Variants in MCTP1 observed in about 807,000 individuals in gnomAD.
MCTP1 encodes multiple C2 and transmembrane domain containing 1.
Under a neutral mutation model 120.6 loss-of-function variants are expected in MCTP1, and 69 were observed. That is an observed-to-expected ratio of 0.57 (90% CI 0.47 to 0.70). MCTP1 has a LOEUF of 0.70. Among genes scored for constraint, MCTP1 ranks in the 30% least tolerant of loss-of-function variants. The probability of loss-of-function intolerance (pLI) is 0.00; values close to 1 mark genes in which losing one functional copy is unlikely to be tolerated. For synonymous variants in MCTP1, 529 were observed against 493.1 expected, an observed-to-expected ratio of 1.07 and a Z score of -0.96; for missense variants, 1,203 against 1,248.8, an observed-to-expected ratio of 0.96 and a Z score of 0.55.
intron 1 of MCTP1, among the ~76,000 whole-genome samples, chr5:95,058,849 A>C (rs186396166): frequency 6.6e-6 from 1 of 152,078 alleles, no homozygotes; most frequent in Non-Finnish European, 1.5e-5. Flanking sequence ...AGGGTTTGAC[A>C]TTCTCTTTTT....
chr5:95,221,387 C>T (rs891644328), intron 1 of MCTP1, among the ~76,000 whole-genome samples: 1 of 152,178 alleles, frequency 6.6e-6, no homozygotes, highest in African/African-American at 2.4e-5. Flanking sequence ...TGGGCAGAGC[C>T]ATCTGTCTGG....
intron 3 of MCTP1, among the ~76,000 whole-genome samples, chr5:94,943,735 G>A (rs751726744): frequency 6.6e-6 from 1 of 151,862 alleles, no homozygotes; most frequent in African/African-American, 2.4e-5. Context: ...AGAGAACGAA[G>A]AGAAAGTAAG....
At chr5:94,909,882 C>T (rs557632325) in intron 9 of MCTP1, among the ~76,000 whole-genome samples, 2 of 151,922 alleles carry the variant, frequency 1.3e-5, no homozygotes, top group African/African-American at 4.8e-5. Context: ...AGGAGAAAAA[C>T]GCAAGTAGCT....
intron 4 of MCTP1, among the ~76,000 whole-genome samples, chr5:94,940,605 TAC>T (rs1817444595): frequency 6.8e-6 from 1 of 146,112 alleles, no homozygotes; most frequent in Admixed American, 6.9e-5. Context: ...TATACACATA[TAC>T]ATATATATGT....
intron 2 of MCTP1, among the ~76,000 whole-genome samples, chr5:95,000,626 G>A (rs62364694): frequency 0.19 from 28,387 of 151,958 alleles, 2,737 homozygotes; most frequent in East Asian, 0.32. Context: ...GGATATAAAG[G>A]TAAAATATTT....
intron 17 of MCTP1, among the ~76,000 whole-genome samples, chr5:94,850,210 C>G (rs543350483): frequency 6.6e-6 from 1 of 152,200 alleles, no homozygotes; most frequent in East Asian, 1.9e-4. Context: ...GGGTATGCAC[C>G]CAACCGTTCT....
At chr5:94,836,959 C>T (rs1324192108) in intron 17 of MCTP1, among the ~76,000 whole-genome samples, 1 of 152,088 alleles carries the variant, frequency 6.6e-6, no homozygotes, top group Non-Finnish European at 1.5e-5. Flanking sequence ...TTTTTCCCTT[C>T]CCTAAAAGCA....
At chr5:95,264,267 C>T (rs1758706398) in intron 1 of MCTP1, among the ~76,000 whole-genome samples, 1 of 152,182 alleles carries the variant, frequency 6.6e-6, no homozygotes, top group South Asian at 2.1e-4. Flanking sequence ...AACTCAGGTG[C>T]TGTTATTTGT....
At chr5:94,974,608 T>C (rs1192574606) in intron 2 of MCTP1, among the ~76,000 whole-genome samples, 1 of 152,120 alleles carries the variant, frequency 6.6e-6, no homozygotes, top group East Asian at 1.9e-4. Flanking sequence ...TTCAGAGGAT[T>C]CATTGGCTTT....
chr5:94,889,513 C>T (rs1375168930), intron 11 of MCTP1, among the ~76,000 whole-genome samples: 1 of 152,036 alleles, frequency 6.6e-6, no homozygotes, highest in Non-Finnish European at 1.5e-5. Flanking sequence ...TGCTTGAACC[C>T]GGGAGGCAGA....
At chr5:94,826,992 G>A (rs1444034190) in intron 17 of MCTP1, among the ~76,000 whole-genome samples, 1 of 151,886 alleles carries the variant, frequency 6.6e-6, no homozygotes, top group Non-Finnish European at 1.5e-5. Context: ...ATTGTTTTGT[G>A]TGAATTTGAT....
In MCTP1 at chr5:95,217,790, C is replaced by T. The variant is rs1339394796; in HGVS notation, c.720+66066G>A. ...ACCACCCCTCATTTAAGGGATTCTACCAGGCAATGTTAAGACAATTGAGGC... is the reference window on the plus strand; with the variant it reads ...ACCACCCCTCATTTAAGGGATTCTATCAGGCAATGTTAAGACAATTGAGGC... On this transcript the variant is annotated intron_variant, in intron 1 of 22. Transcript: ENST00000515393. Among the ~76,000 whole-genome samples, 4 of 152,216 alleles carry T rather than the reference C, an allele frequency of 2.6e-5. No homozygotes were observed. The East Asian group carries it at 7.7e-4, about 29-fold the overall frequency.
intron 1 of MCTP1, among the ~76,000 whole-genome samples, chr5:95,281,788 G>T (rs1376157370): frequency 6.6e-6 from 1 of 152,184 alleles, no homozygotes; most frequent in African/African-American, 2.4e-5. Flanking sequence ...TACAAATTAT[G>T]ATAGCTAATC....
In MCTP1 at chr5:94,741,004, G is replaced by A. The variant is rs561992706; in HGVS notation, c.2611-26118C>T. Among the ~76,000 whole-genome samples, 15 of 152,284 alleles carry A rather than the reference G, an allele frequency of 9.9e-5. 1 individual carries two copies. In the South Asian group the frequency reaches 2.9e-3, roughly 30 times the overall value. ...ATTAAAGCCAAGAATCCACAGCAAG[G>A]AGAATGAAGTTAGAGGAAGCTGGTG... On this transcript the variant is annotated intron_variant, in intron 19 of 22. Transcript: ENST00000515393.
intron 12 of MCTP1, among the ~76,000 whole-genome samples, chr5:94,885,832 C>T (rs1030018905): frequency 1.3e-5 from 2 of 152,172 alleles, no homozygotes; most frequent in Non-Finnish European, 2.9e-5. Context: ...ATTTAGCTGA[C>T]CAACTTTTCA....
At chr5:94,774,598 C>T (rs1427067966) in intron 19 of MCTP1, among the ~76,000 whole-genome samples, 1 of 152,124 alleles carries the variant, frequency 6.6e-6, no homozygotes, top group African/African-American at 2.4e-5. Context: ...CTGACTGCTA[C>T]CTTGAATGTG....
intron 1 of MCTP1, among the ~76,000 whole-genome samples, chr5:95,206,129 C>T (rs1281359522): frequency 6.6e-6 from 1 of 152,040 alleles, no homozygotes; most frequent in African/African-American, 2.4e-5. Flanking sequence ...TTCAAATGCT[C>T]ATAAATCAAT....
At chr5:95,045,292 T>C (rs1166688572) in intron 1 of MCTP1, among the ~76,000 whole-genome samples, 1 of 152,214 alleles carries the variant, frequency 6.6e-6, no homozygotes, top group African/African-American at 2.4e-5. Flanking sequence ...CATTAGTTTA[T>C]TCTTTACCAC....
At chr5:94,895,478 A>G (rs1186926934) in intron 10 of MCTP1, among the ~76,000 whole-genome samples, 1 of 152,196 alleles carries the variant, frequency 6.6e-6, no homozygotes, top group Non-Finnish European at 1.5e-5. Flanking sequence ...CAGAGCTAAT[A>G]CCCTGAAAAC....
Sources: gnomAD v4.1 joint callset for allele counts (sites outside exome capture counted in the v4.1 genomes callset) on GRCh38, gnomAD v4.1.1 for gene constraint, MANE v1.5 for transcripts, NCBI Gene and HGNC (gene_info 2026-07-23, HGNC 2026-07-21) for gene names.